DNAH2: variants seen among roughly 807,000 people sequenced by gnomAD.
DNAH2 encodes the protein axonemal beta dynein heavy chain 2.
In DNAH2, 323 loss-of-function variants were observed where a neutral mutation model predicts 523.5. The observed-to-expected ratio is 0.62, with a 90% CI of 0.56 to 0.68. The LOEUF (loss-of-function observed/expected upper bound fraction) is 0.68, where lower values mean the gene tolerates loss of function less well. Ranked by LOEUF, DNAH2 falls within the 30% of genes least tolerant of loss-of-function variation. DNAH2 has a pLI of 0.00. For synonymous variants in DNAH2, 2,093 were observed against 2,177.4 expected (o/e 0.96, Z 1.08); for missense variants, 4,907 against 5,701.5 (o/e 0.86, Z 4.49).
intron 11 of DNAH2, among the ~76,000 whole-genome samples, chr17:7,741,317 C>CCCTA (rs2075335941): frequency 1.3e-5 from 1 of 76,784 alleles, no homozygotes; most frequent in African/African-American, 5.8e-5. Context: ...CTCCCTCCCT[C>CCCTA]CCTCCCTCCT....
intron 58 of DNAH2, among the ~76,000 whole-genome samples, chr17:7,803,413 G>A (rs1273675065): frequency 6.6e-6 from 1 of 152,226 alleles, no homozygotes; most frequent in African/African-American, 2.4e-5. Context: ...ACTCACGCCT[G>A]TAATCCCAGC....
chr17:7,779,475 C>T, intron 36 of DNAH2, 52 bp downstream of exon 36: 1 of 1,572,308 alleles, frequency 6.4e-7, no homozygotes, highest in Non-Finnish European at 8.7e-7. Flanking sequence ...ACTGGGTGTT[C>T]AGGGGAAATA....
intron 56 of DNAH2, among the ~76,000 whole-genome samples, chr17:7,800,031 G>A (rs1461951984): frequency 6.6e-6 from 1 of 152,160 alleles, no homozygotes; most frequent in East Asian, 1.9e-4. Flanking sequence ...TCACATAGGT[G>A]GAACCATGCC....
In DNAH2 at chr17:7,718,411, C is replaced by A. The variant is rs563615960; in HGVS notation, c.-403C>A. On this transcript the variant is annotated 5_prime_UTR_variant, in exon 1 of 86. Coordinates refer to ENST00000572933, the MANE Select transcript of DNAH2 (RefSeq NM_020877.5). Reference sequence around the variant, plus strand: ...AACCTGAGATCAATGCCTGTGGCAGCCTGTGGGGATGAGGAAGGAGAGCCA... The same window carrying A: ...AACCTGAGATCAATGCCTGTGGCAGACTGTGGGGATGAGGAAGGAGAGCCA... 1.3e-5 allele frequency: 2 copies of A among 152,268 alleles called. No homozygotes were observed. The highest frequency in any genetic ancestry group is 4.1e-4 in the South Asian group (2 of 4,828). The allele number at this position is 152,268 out of a possible 1,614,324, so 9.4% of individuals were successfully genotyped here.
rs1160537774 is a variant in DNAH2, at chr17:7,818,782, G to T, written c.10670+6G>T. 1 of 1,613,900 alleles carries T rather than the reference G, an allele frequency of 6.2e-7. No homozygotes were observed. Among genetic ancestry groups the T allele is most frequent in the South Asian group, 1.1e-5 (1 of 91,070 alleles). On this transcript the variant is annotated splice_donor_region_variant and intron_variant, in intron 70 of 85. Coordinates refer to ENST00000572933, the MANE Select transcript of DNAH2 (RefSeq NM_020877.5). ...CTGGAGGATGAGATCCTGCGGTGAG[G>T]CCCTGCCTTCCCCTCCCACTGCCCC...
At position 7,717,858 on chromosome 17, in the gene DNAH2, G is replaced by A. The variant is rs1206658071; in HGVS notation, c.-956G>A. On this transcript the variant is annotated 5_prime_UTR_variant, in exon 1 of 86. Transcript: ENST00000572933. ...TGTGTGTCGGGGGCAGAGGGAAGGA[G>A]GGAAGGAGTGCTGGGGAGAAGGGGC... The A allele has an allele frequency of 1.3e-5, 2 of 152,850 alleles. No homozygotes were observed. The highest frequency in any genetic ancestry group is 4.8e-5 in the African/African-American group (2 of 41,416). The allele number at this position is 152,850 out of a possible 1,614,324, so 9.5% of individuals were successfully genotyped here.
chr17:7,813,884 G>A (rs2077585287), intron 63 of DNAH2, among the ~76,000 whole-genome samples: 1 of 151,208 alleles, frequency 6.6e-6, no homozygotes, highest in African/African-American at 2.4e-5. Flanking sequence ...CTCCAGCCTG[G>A]GCGACAGTGT....
At chr17:7,783,500 CAAAACA>C (rs567528669) in intron 39 of DNAH2, among the ~76,000 whole-genome samples, 37 of 151,850 alleles carry the variant, frequency 2.4e-4, no homozygotes, top group Non-Finnish European at 3.8e-4. Flanking sequence ...AACATGGGGG[CAAAACA>C]AAAACAAAAA....
At position 7,774,931 on chromosome 17, in the gene DNAH2, C is replaced by A. The variant is rs115063991; in HGVS notation, c.4674C>A (p.His1558Gln). ...QSRNPEAVQP[H>Q]LKKCFDNIKL... ...GAAACCCAGAGGCTGTGCAGCCACA[C>A]CTCAAAAAATGCTTTGACAACATCA... The change falls in exon 29 of 86, where the codon CAC becomes CAA. Residue 1558 changes from histidine (H) to glutamine (Q), a missense_variant. Transcript: ENST00000572933. 2.5e-6 allele frequency: 4 copies of A among 1,614,052 alleles called. No individual in the cohort carries two copies. The highest frequency in any genetic ancestry group is 3.4e-6 in the Non-Finnish European group (4 of 1,180,018).
rs771044268 is a variant in DNAH2 at position 7,764,008 on chromosome 17, C to T, written c.3156C>T (p.Thr1052=). The T allele has an allele frequency of 7.1e-5, 115 of 1,614,094 alleles. No individual in the cohort carries two copies. The highest frequency in any genetic ancestry group is 3.0e-5 in the Non-Finnish European group (35 of 1,180,044). ...CTGGGCGCCTCCTGGAGCTGCACACCTACCTGAAGGAGAACGCAGAGAAGT... is the reference window on the plus strand; with the variant it reads ...CTGGGCGCCTCCTGGAGCTGCACACTTACCTGAAGGAGAACGCAGAGAAGT... ...MAAGRLLELH[T]YLKENAEKIS... is the part of the protein sequence containing the mutation. Residue 1052 remains threonine, a synonymous_variant, in exon 19 of 86, where the codon ACC becomes ACT. Transcript: ENST00000572933.
chr17:7,798,192 G>C lies in DNAH2; in HGVS notation c.8266G>C (p.Gly2756Arg). The C allele has an allele frequency of 1.9e-6, 3 of 1,610,716 alleles. No homozygotes were observed. Among genetic ancestry groups the C allele is most frequent in the Non-Finnish European group, 2.5e-6 (3 of 1,177,326 alleles). ...CGTGCGGGTCATTGGACAGCCTCGGGGCAACATGCTCCTGGTGGGTATCGG... is the reference window on the plus strand; with the variant it reads ...CGTGCGGGTCATTGGACAGCCTCGGCGCAACATGCTCCTGGTGGGTATCGG... Reference protein sequence around the residue: ...RIVRVIGQPRGNMLLVGIGGS... With the variant: ...RIVRVIGQPRRNMLLVGIGGS... Residue 2756 changes from glycine to arginine, a missense_variant, in exon 54 of 86, where the codon GGC (glycine) becomes CGC (arginine). Transcript: ENST00000572933. The surrounding 1 kb of genome is among the most constrained non-coding windows in gnomAD (Gnocchi z 5.5).
At chr17:7,741,236 C>CTCTCTCTTTCTT (rs1555540638) in intron 11 of DNAH2, among the ~76,000 whole-genome samples, 51 of 85,660 alleles carry the variant, frequency 6.0e-4, no homozygotes, top group Admixed American at 1.1e-3. Context: ...TTTTCTCTCT[C>CTCTCTCTTTCTT]TCTTTCTTTC....
At chr17:7,725,113 A>G (rs1030581786) in intron 3 of DNAH2, among the ~76,000 whole-genome samples, 1 of 148,332 alleles carries the variant, frequency 6.7e-6, no homozygotes, top group African/African-American at 2.5e-5. Flanking sequence ...TTTTTGAGAC[A>G]GAGTCTTGGT....
chr17:7,749,824 G>C (rs2075634847), intron 12 of DNAH2, among the ~76,000 whole-genome samples: 1 of 151,872 alleles, frequency 6.6e-6, no homozygotes, highest in Non-Finnish European at 1.5e-5. Context: ...GTGAAACCCC[G>C]TCTATACTAA....
chr17:7,793,453 TTC>T (rs1373201743), intron 48 of DNAH2, among the ~76,000 whole-genome samples: 23,479 of 120,116 alleles, frequency 0.2, 2,863 homozygotes, highest in Non-Finnish European at 0.26. Flanking sequence ...TTCTTTTTCT[TTC>T]TTTCTTTCTT....
rs34230417 is a variant in DNAH2 at position 7,833,238 on chromosome 17, G to A, written c.13129+17G>A. The A allele has an allele frequency of 1.9e-6, 3 of 1,606,704 alleles. No individual in the cohort carries two copies. Among genetic ancestry groups the A allele is most frequent in the Non-Finnish European group, 1.7e-6 (2 of 1,179,836 alleles). ...GCGCCAAGGGTGGGACAGCTCCCCA[G>A]GCAGGACCTGCCTGCCCCGTCCCTA... On this transcript the variant is annotated intron_variant, in intron 85 of 85. Transcript: ENST00000572933.
At position 7,798,819 on chromosome 17, in the gene DNAH2, CT is replaced by C; in HGVS notation, c.8559+102del. On this transcript the variant is annotated intron_variant, in intron 55 of 85. Coordinates refer to ENST00000572933, the MANE Select transcript of DNAH2 (RefSeq NM_020877.5). This position sits in a 1 kb window ranked among gnomAD's most constrained non-coding sequence, Gnocchi z 5.5. ...AGAATGTGCCACTGGCACACCCCCACTGCCACACCCCCACTGCCCACCTCAG... is the reference window on the plus strand; with the variant it reads ...AGAATGTGCCACTGGCACACCCCCACGCCACACCCCCACTGCCCACCTCAG... The C allele has an allele frequency of 1.3e-6, 1 of 756,080 alleles. No homozygotes were observed. Among genetic ancestry groups the C allele is most frequent in the Non-Finnish European group, 2.0e-6 (1 of 509,362 alleles). The allele number at this position is 756,080 out of a possible 1,614,324, so 46.8% of individuals were successfully genotyped here. A position where few individuals can be genotyped will look rare whatever the true frequency, so the allele number is the denominator to read the frequency against.
intron 4 of DNAH2, among the ~76,000 whole-genome samples, chr17:7,728,366 A>G (rs1324813073): frequency 6.6e-6 from 1 of 152,224 alleles, no homozygotes; most frequent in Non-Finnish European, 1.5e-5. Context: ...TTGGCGGCAC[A>G]TATACAAAAG....
At position 7,798,221 on chromosome 17, in the gene DNAH2, C is replaced by G. The variant is rs747859512; in HGVS notation, c.8295C>G (p.Gly2765=). ...ACATGCTCCTGGTGGGTATCGGGGGCAGCGGACGCCAGAGTCTGGCCCGCC... is the reference window on the plus strand; with the variant it reads ...ACATGCTCCTGGTGGGTATCGGGGGGAGCGGACGCCAGAGTCTGGCCCGCC... ...RGNMLLVGIG[G]SGRQSLARLA... Residue 2765 remains glycine (G), a synonymous_variant, in exon 54 of 86, where the codon GGC becomes GGG. Coordinates refer to ENST00000572933, the MANE Select transcript of DNAH2 (RefSeq NM_020877.5). The surrounding 1 kb of genome is among the most constrained non-coding windows in gnomAD (Gnocchi z 5.5). 2.5e-6 allele frequency: 4 copies of G among 1,613,586 alleles called. No individual in the cohort carries two copies. The highest frequency in any genetic ancestry group is 2.5e-6 in the Non-Finnish European group (3 of 1,179,606).
Sources: allele counts gnomAD v4.1 joint callset (sites outside exome capture counted in the v4.1 genomes callset), GRCh38; gene constraint gnomAD v4.1.1; non-coding constraint Gnocchi (gnomAD v3.1); transcripts MANE v1.5; gene names NCBI Gene and HGNC (gene_info 2026-07-23, HGNC 2026-07-21).